SIRPG: variants seen among roughly 807,000 people sequenced by gnomAD.
The protein encoded by SIRPG is signal-regulatory protein gamma.
In SIRPG, 38 loss-of-function variants were observed where a neutral mutation model predicts 35.7. The observed-to-expected ratio is 1.06, with a 90% CI of 0.82 to 1.40. The LOEUF is 1.40. SIRPG is among the 40% of genes most tolerant of loss of function. SIRPG has a pLI of 0.00. For synonymous variants in SIRPG, 215 were observed against 190.4 expected (o/e 1.13, Z -1.06); for missense variants, 519 against 483.0 (o/e 1.07, Z -0.70).
chr20:1,637,605 T>C (rs1440071538), intron 2 of SIRPG: 2 of 152,080 alleles, frequency 1.3e-5, no homozygotes, highest in African/African-American at 2.4e-5. Context: ...CTATCAATCA[T>C]TATTTTTTTT....
At chr20:1,674,517 C>A in the SIRPG span, among the ~76,000 whole-genome samples, 1 of 152,192 alleles carries the variant, frequency 6.6e-6, no homozygotes, top group Admixed American at 6.5e-5. Flanking sequence ...TGTCCCAGGT[C>A]ACAGAGCCAG....
At chr20:1,658,698 C>A (rs2091987646), upstream of SIRPG, among the ~76,000 whole-genome samples, 1 of 152,114 alleles carries the variant, frequency 6.6e-6, no homozygotes, top group Admixed American at 6.5e-5. Context: ...AGGTAATGAG[C>A]ATATCATGCC....
chr20:1,631,526 T>G (rs552401565), intron 4 of SIRPG, among the ~76,000 whole-genome samples: 1 of 152,302 alleles, frequency 6.6e-6, no homozygotes, highest in East Asian at 1.9e-4. Flanking sequence ...GCCTCCCCAT[T>G]TCCTGAGGCA....
the SIRPG span, chr20:1,676,976 T>G: frequency 6.5e-6 from 1 of 153,152 alleles, no homozygotes; most frequent in Non-Finnish European, 1.5e-5. Context: ...ATTGATCGAG[T>G]GCATATCAGG....
chr20:1,675,245 G>C, the SIRPG span, among the ~76,000 whole-genome samples: 4 of 152,096 alleles, frequency 2.6e-5, no homozygotes, highest in Non-Finnish European at 5.9e-5. Context: ...GTGCTCTGCT[G>C]GGCTGCAGGA....
chr20:1,654,418 A>G (rs1478300566), intron 1 of SIRPG, among the ~76,000 whole-genome samples: 1 of 152,206 alleles, frequency 6.6e-6, no homozygotes, highest in Admixed American at 6.5e-5. Context: ...ACTATTGACA[A>G]AAGTGTGAAG....
chr20:1,683,070 A>G, the SIRPG span, among the ~76,000 whole-genome samples: 1 of 152,234 alleles, frequency 6.6e-6, no homozygotes, highest in Non-Finnish European at 1.5e-5. Context: ...AACTCACTCA[A>G]TTAATATATG....
Position 1,629,905 on chromosome 20 carries a change from T to C in SIRPG, c.*3-269A>G, listed in dbSNP as rs2281808. 0.71 allele frequency among the ~76,000 whole-genome samples: 108,028 copies of C among 151,976 alleles called. 38,698 individuals carry two copies. Among genetic ancestry groups the C allele is most frequent in the South Asian group, 0.85 (4,100 of 4,812 alleles). On this transcript the variant is annotated intron_variant, in intron 5 of 5. Transcript: ENST00000303415. ...TCAACATTAGTTTACAATGTGGATT[T>C]CTCTGACCCCATGGAGTCCCAGCAT...
intron 4 of SIRPG, among the ~76,000 whole-genome samples, chr20:1,632,813 GT>G: frequency 6.6e-6 from 1 of 151,988 alleles, no homozygotes; most frequent in South Asian, 2.1e-4. Flanking sequence ...AAAGCCTCAA[GT>G]CAATTAAATC....
At chr20:1,648,035 G>A (rs1444504154) in intron 2 of SIRPG, 3 of 152,164 alleles carry the variant, frequency 2.0e-5, no homozygotes, top group Admixed American at 2.0e-4. Flanking sequence ...ATGTGACTGT[G>A]GACAAGGCCC....
intron 2 of SIRPG, among the ~76,000 whole-genome samples, chr20:1,640,857 T>C (rs1223533587): frequency 6.6e-6 from 1 of 152,226 alleles, no homozygotes; most frequent in Non-Finnish European, 1.5e-5. Context: ...TCTGCATCTA[T>C]TGAGATAATC....
At chr20:1,641,469 T>C (rs2091851423) in intron 2 of SIRPG, among the ~76,000 whole-genome samples, 1 of 152,180 alleles carries the variant, frequency 6.6e-6, no homozygotes, top group African/African-American at 2.4e-5. Flanking sequence ...CCTTTATCTT[T>C]TTTTTATTGA....
upstream of SIRPG, chr20:1,657,811 T>G: frequency 8.7e-7 from 1 of 1,148,920 alleles, no homozygotes; most frequent in African/African-American, 1.6e-5. Flanking sequence ...CCTCCCTCAA[T>G]TCAAGAGGAA....
chr20:1,641,495 C>G (rs983669159), intron 2 of SIRPG, among the ~76,000 whole-genome samples: 1 of 151,390 alleles, frequency 6.6e-6, no homozygotes, highest in Admixed American at 6.6e-5. Context: ...TTCTTCTCTC[C>G]TTTCTTCTTT....
the SIRPG span, chr20:1,671,082 C>T: frequency 2.3e-6 from 1 of 428,314 alleles, no homozygotes; most frequent in Non-Finnish European, 4.7e-6. Context: ...TATTTTTGGA[C>T]CATTTCAGGG....
the SIRPG span, among the ~76,000 whole-genome samples, chr20:1,663,838 T>G: frequency 1.3e-5 from 2 of 152,236 alleles, no homozygotes; most frequent in Admixed American, 6.5e-5. Context: ...GAGGGAGAAC[T>G]GCTTTCTTTT....
chr20:1,675,019 C>T, the SIRPG span, among the ~76,000 whole-genome samples: 1 of 152,150 alleles, frequency 6.6e-6, no homozygotes, highest in East Asian at 1.9e-4. Flanking sequence ...ACTGCACACC[C>T]AATTGTCCCT....
Position 1,635,527 on chromosome 20 carries a change from C to T in SIRPG, c.821G>A (p.Arg274Lys). The part of the protein sequence containing the change: ...GNQVNVTCQV[R>K]KFYPQSLQLT... ...CTGTAGGCTCTGGGGGTAGAACTTCCTCACCTGGCAGGTGACGTTTACCTG... is the reference window on the plus strand; with the variant it reads ...CTGTAGGCTCTGGGGGTAGAACTTCTTCACCTGGCAGGTGACGTTTACCTG... The change falls in exon 4 of 6, where the codon AGG (arginine) becomes AAG (lysine). Residue 274 changes from arginine (R) to lysine (K), a missense_variant. Transcript: ENST00000303415. The T allele has an allele frequency of 1.9e-6, 3 of 1,614,098 alleles. No individual in the cohort carries two copies. The South Asian group carries it at 3.3e-5, about 18-fold the overall frequency.
intron 4 of SIRPG, among the ~76,000 whole-genome samples, chr20:1,635,030 C>A (rs6043407): frequency 2.0e-4 from 29 of 147,742 alleles, no homozygotes; most frequent in Non-Finnish European, 2.9e-4. Context: ...GCGACAGAGC[C>A]AGACTCCGTC....
Sources: gnomAD v4.1 joint callset for allele counts (sites outside exome capture counted in the v4.1 genomes callset) on GRCh38, gnomAD v4.1.1 for gene constraint, MANE v1.5 for transcripts, NCBI Gene and HGNC (gene_info 2026-07-23, HGNC 2026-07-21) for gene names.